Variants in CCSER1 observed in about 807,000 individuals in gnomAD.
CCSER1 encodes serine-rich coiled-coil domain-containing protein 1.
A neutral mutation model predicts 82.0 loss-of-function variants in CCSER1; 41 were observed. That is an observed-to-expected ratio of 0.50 (90% CI 0.39 to 0.65). The LOEUF is 0.65. Among genes scored for constraint, CCSER1 ranks in the 30% least tolerant of loss-of-function variants. The pLI is 0.00. For missense variants in CCSER1, 1,119 were observed against 1,064.2 expected (o/e 1.05, Z -0.72); for synonymous variants, 414 against 383.9 (o/e 1.08, Z -0.92).
At chr4:91,319,730 G>A (rs1189697888) in intron 10 of CCSER1, 1 of 455,502 alleles carries the variant, frequency 2.2e-6, no homozygotes, top group African/African-American at 2.0e-5. Context: ...TATAGCACTG[G>A]GAGGCAGAAG....
intron 3 of CCSER1, among the ~76,000 whole-genome samples, chr4:90,359,868 T>G (rs1193791193): frequency 8.1e-6 from 1 of 123,774 alleles, no homozygotes; most frequent in Admixed American, 7.9e-5. Flanking sequence ...TATATGTGTA[T>G]ATATATGTGT....
At chr4:90,765,326 G>C (rs753984119) in intron 7 of CCSER1, among the ~76,000 whole-genome samples, 3 of 152,050 alleles carry the variant, frequency 2.0e-5, no homozygotes, top group Non-Finnish European at 4.4e-5. Flanking sequence ...ACTTATTAAC[G>C]ATGCATATAT....
chr4:90,374,772 G>T (rs779420209), intron 3 of CCSER1, among the ~76,000 whole-genome samples: 6 of 151,956 alleles, frequency 3.9e-5, no homozygotes, highest in Non-Finnish European at 7.4e-5. Flanking sequence ...AGCTGACTTT[G>T]GCCATACCTT....
intron 5 of CCSER1, among the ~76,000 whole-genome samples, chr4:90,564,646 T>C (rs2153649847): frequency 6.6e-6 from 1 of 152,122 alleles, no homozygotes; most frequent in African/African-American, 2.4e-5. Context: ...TCCAGTAGTT[T>C]TATGGCTTCA....
At chr4:90,501,341 C>T (rs890409478) in intron 5 of CCSER1, among the ~76,000 whole-genome samples, 8 of 152,038 alleles carry the variant, frequency 5.3e-5, no homozygotes, top group Non-Finnish European at 7.4e-5. Flanking sequence ...TTGCAATTAA[C>T]GATATTAATA....
chr4:90,576,376 A>T (rs1039829897), intron 5 of CCSER1, among the ~76,000 whole-genome samples: 1 of 152,158 alleles, frequency 6.6e-6, no homozygotes, highest in South Asian at 2.1e-4. Context: ...TTGACACATC[A>T]TTGTCACCCA....
intron 10 of CCSER1, among the ~76,000 whole-genome samples, chr4:91,170,240 T>C (rs2149000818): frequency 6.6e-6 from 1 of 152,356 alleles, no homozygotes; most frequent in East Asian, 1.9e-4. Context: ...GTTATTTGAA[T>C]ATTTTGTTAC....
At chr4:90,759,064 A>T (rs527297665) in intron 7 of CCSER1, among the ~76,000 whole-genome samples, 3 of 152,268 alleles carry the variant, frequency 2.0e-5, no homozygotes, top group Non-Finnish European at 2.9e-5. Context: ...CTTCTAAGCC[A>T]TCCATATGAC....
At chr4:90,381,277 G>A (rs143595352) in intron 3 of CCSER1, among the ~76,000 whole-genome samples, 20 of 152,232 alleles carry the variant, frequency 1.3e-4, no homozygotes, top group Middle Eastern at 6.8e-3. Context: ...AATTACTTTG[G>A]ATTATTCATT....
At chr4:90,494,230 A>G (rs1030713669) in intron 5 of CCSER1, among the ~76,000 whole-genome samples, 9 of 152,220 alleles carry the variant, frequency 5.9e-5, no homozygotes, top group East Asian at 1.9e-4. Context: ...CTAAATATAT[A>G]TGCACCCAAT....
chr4:91,341,277 A>G (rs1747701176), intron 10 of CCSER1, among the ~76,000 whole-genome samples: 1 of 152,202 alleles, frequency 6.6e-6, no homozygotes, highest in Non-Finnish European at 1.5e-5. Flanking sequence ...AGAATGGAAA[A>G]TAAAAATGCA....
intron 5 of CCSER1, among the ~76,000 whole-genome samples, chr4:90,608,293 T>C (rs945794775): frequency 6.6e-6 from 1 of 152,156 alleles, no homozygotes; most frequent in African/African-American, 2.4e-5. Flanking sequence ...CATGTGATCA[T>C]TGACAGAATT....
At chr4:90,992,418 G>C (rs894886525) in intron 9 of CCSER1, among the ~76,000 whole-genome samples, 4 of 151,938 alleles carry the variant, frequency 2.6e-5, no homozygotes, top group Admixed American at 6.6e-5. Flanking sequence ...CATCTAGAAA[G>C]CCTATTGCCA....
chr4:91,301,967 T>TTTCC (rs950909856), intron 10 of CCSER1, among the ~76,000 whole-genome samples: 2 of 139,338 alleles, frequency 1.4e-5, no homozygotes, highest in African/African-American at 2.6e-5. Context: ...TCTTTCCTTC[T>TTTCC]TTCCTTCCTT....
chr4:90,258,118 C>A (rs1723677894), intron 1 of CCSER1, among the ~76,000 whole-genome samples: 1 of 152,164 alleles, frequency 6.6e-6, no homozygotes, highest in Admixed American at 6.5e-5. Context: ...GTTCCAGACT[C>A]TATAGCCAGA....
intron 6 of CCSER1, among the ~76,000 whole-genome samples, chr4:90,663,555 A>G (rs1468100528): frequency 2.6e-5 from 4 of 152,192 alleles, no homozygotes; most frequent in African/African-American, 7.2e-5. Flanking sequence ...CAGTGGCACA[A>G]TCATAGCTCA....
intron 10 of CCSER1, among the ~76,000 whole-genome samples, chr4:91,146,769 T>A (rs1030531792): frequency 2.0e-5 from 3 of 152,156 alleles, no homozygotes; most frequent in African/African-American, 7.2e-5. Flanking sequence ...TCACAGGTGT[T>A]GTAGGTGAAG....
intron 9 of CCSER1, among the ~76,000 whole-genome samples, chr4:90,964,398 A>G (rs933926236): frequency 1.3e-5 from 2 of 152,150 alleles, no homozygotes; most frequent in Non-Finnish European, 2.9e-5. Flanking sequence ...AGAATAACAC[A>G]GTAAAGGCAT....
intron 10 of CCSER1, among the ~76,000 whole-genome samples, chr4:91,269,242 A>C (rs1169854144): frequency 6.6e-6 from 1 of 152,244 alleles, no homozygotes; most frequent in Admixed American, 6.5e-5. Context: ...TGGATGTTTT[A>C]ATTAAGGGTT....
Sources: gnomAD v4.1 joint callset for allele counts (sites outside exome capture counted in the v4.1 genomes callset) on GRCh38, gnomAD v4.1.1 for gene constraint, MANE v1.5 for transcripts, NCBI Gene and HGNC (gene_info 2026-07-23, HGNC 2026-07-21) for gene names.